Variants in SLC24A2 observed in about 807,000 individuals in gnomAD.
The protein encoded by SLC24A2 is solute carrier family 24 member 2.
In SLC24A2, 36 loss-of-function variants were observed where a neutral mutation model predicts 62.0. The ratio of observed to expected loss-of-function variants is 0.58; its 90% confidence interval spans 0.44 to 0.77. The LOEUF (loss-of-function observed/expected upper bound fraction) is 0.77, where lower values mean the gene tolerates loss of function less well. SLC24A2 is among the 30% of genes least tolerant of loss of function. The pLI is 0.00. For missense variants in SLC24A2, 846 were observed against 817.9 expected (o/e 1.03, Z -0.42); for synonymous variants, 358 against 294.0 (o/e 1.22, Z -2.23).
the SLC24A2 span, among the ~76,000 whole-genome samples, chr9:19,833,067 C>T: frequency 2.6e-5 from 4 of 151,992 alleles, no homozygotes; most frequent in South Asian, 2.1e-4. Flanking sequence ...GTTAGAATGG[C>T]GATCATTAAA....
At chr9:19,562,146 A>AAAT (rs1273596791) in intron 7 of SLC24A2, among the ~76,000 whole-genome samples, 1 of 152,198 alleles carries the variant, frequency 6.6e-6, no homozygotes, top group Admixed American at 6.5e-5. Context: ...TTGCTGTAGT[A>AAAT]AATTGGTTTT....
chr9:20,104,614 A>C, the SLC24A2 span, among the ~76,000 whole-genome samples: 1 of 152,186 alleles, frequency 6.6e-6, no homozygotes, highest in South Asian at 2.1e-4. Flanking sequence ...TCATAAGTGA[A>C]GGAGAAATAA....
chr9:19,964,937 G>A, the SLC24A2 span, among the ~76,000 whole-genome samples: 1 of 151,902 alleles, frequency 6.6e-6, no homozygotes, highest in African/African-American at 2.4e-5. Flanking sequence ...TTTTTTGCTT[G>A]AGGTGCCAGC....
the SLC24A2 span, among the ~76,000 whole-genome samples, chr9:20,172,563 A>G: frequency 6.6e-6 from 1 of 152,234 alleles, no homozygotes; most frequent in East Asian, 1.9e-4. Flanking sequence ...CAAGGCTACT[A>G]TGAACATCTT....
the SLC24A2 span, among the ~76,000 whole-genome samples, chr9:20,150,519 T>C: frequency 6.7e-6 from 1 of 149,868 alleles, no homozygotes; most frequent in African/African-American, 2.5e-5. Flanking sequence ...TGCTGGAATC[T>C]TTCTAGAAAG....
the SLC24A2 span, among the ~76,000 whole-genome samples, chr9:20,088,032 A>G: frequency 2.0e-5 from 3 of 152,322 alleles, no homozygotes; most frequent in African/African-American, 7.2e-5. Context: ...ATGTAGAGAT[A>G]TGTAGAGTCT....
the SLC24A2 span, among the ~76,000 whole-genome samples, chr9:20,038,772 G>C: frequency 1.2e-3 from 182 of 152,242 alleles, no homozygotes; most frequent in Non-Finnish European, 1.9e-3. Flanking sequence ...TTAGATTACA[G>C]GCCTGATATT....
the SLC24A2 span, among the ~76,000 whole-genome samples, chr9:20,166,307 T>A: frequency 9.2e-5 from 14 of 152,150 alleles, no homozygotes; most frequent in African/African-American, 3.4e-4. Flanking sequence ...AATATGCATA[T>A]GATTATTCAT....
At chr9:19,908,280 A>C in the SLC24A2 span, among the ~76,000 whole-genome samples, 1 of 86 alleles carries the variant, frequency 0.012, no homozygotes, top group Non-Finnish European at 0.019. Flanking sequence ...CTGGCTAGCC[A>C]TATATAGAAA....
At chr9:19,766,858 G>T (rs1822532159) in intron 2 of SLC24A2, among the ~76,000 whole-genome samples, 1 of 152,212 alleles carries the variant, frequency 6.6e-6, no homozygotes, top group Non-Finnish European at 1.5e-5. Flanking sequence ...GAGCCGGCAG[G>T]CAGGGACGTT....
chr9:19,822,771 C>G, the SLC24A2 span, among the ~76,000 whole-genome samples: 1 of 152,122 alleles, frequency 6.6e-6, no homozygotes, highest in Non-Finnish European at 1.5e-5. Flanking sequence ...GACTTCATCA[C>G]AGAATGTAAG....
chr9:19,545,199 T>C (rs1793004858), intron 8 of SLC24A2, among the ~76,000 whole-genome samples: 1 of 151,970 alleles, frequency 6.6e-6, no homozygotes, highest in African/African-American at 2.4e-5. Context: ...CTGATATCCT[T>C]TCTTCTGCTT....
the SLC24A2 span, among the ~76,000 whole-genome samples, chr9:19,835,726 C>T: frequency 2.6e-5 from 4 of 152,260 alleles, no homozygotes; most frequent in East Asian, 7.7e-4. Context: ...ACAAGCAGAC[C>T]TAATAGACAT....
chr9:19,662,593 G>A (rs909837837), intron 2 of SLC24A2, among the ~76,000 whole-genome samples: 2 of 152,150 alleles, frequency 1.3e-5, no homozygotes, highest in African/African-American at 4.8e-5. Context: ...ACGAAGGAGT[G>A]TGCTTTAATT....
At chr9:19,912,776 G>A in the SLC24A2 span, among the ~76,000 whole-genome samples, 8 of 152,048 alleles carry the variant, frequency 5.3e-5, no homozygotes, top group African/African-American at 9.7e-5. Context: ...TTCTTCATTT[G>A]CCTAATTGAT....
the SLC24A2 span, among the ~76,000 whole-genome samples, chr9:19,819,064 C>G: frequency 2.0e-5 from 3 of 151,888 alleles, no homozygotes; most frequent in Non-Finnish European, 4.4e-5. Flanking sequence ...GCCAACTGAT[C>G]TTTGACAAAG....
chr9:20,236,905 T>C, the SLC24A2 span, among the ~76,000 whole-genome samples: 56 of 152,022 alleles, frequency 3.7e-4, no homozygotes, highest in Non-Finnish European at 7.4e-4. Flanking sequence ...GCCTACTTGT[T>C]TGGTCCTGCA....
At chr9:19,527,903 A>C in intron 9 of SLC24A2, 146 bp downstream of exon 9, 1 of 691,824 alleles carries the variant, frequency 1.4e-6, no homozygotes, top group East Asian at 2.7e-5. Context: ...TAAGTGGATA[A>C]ATTCCTCTAG....
At chr9:19,631,382 T>C (rs1029683009) in intron 2 of SLC24A2, among the ~76,000 whole-genome samples, 15 of 152,202 alleles carry the variant, frequency 9.9e-5, no homozygotes, top group African/African-American at 3.6e-4. Flanking sequence ...GTGCTCTGAC[T>C]AGGTCACTAC....
Sources: gnomAD v4.1 joint callset for allele counts (sites outside exome capture counted in the v4.1 genomes callset) on GRCh38, gnomAD v4.1.1 for gene constraint, MANE v1.5 for transcripts, NCBI Gene and HGNC (gene_info 2026-07-23, HGNC 2026-07-21) for gene names.